The following CTDSPL variants were observed in gnomAD, a reference collection of about 807,000 sequenced individuals.
CTDSPL encodes CTD small phosphatase like, also known as CTD small phosphatase-like protein.
Under a neutral mutation model 30.5 loss-of-function variants are expected in CTDSPL, and 8 were observed. The ratio of observed to expected loss-of-function variants is 0.26; its 90% confidence interval spans 0.15 to 0.47. The LOEUF is 0.47. Among genes scored for constraint, CTDSPL ranks in the 20% least tolerant of loss-of-function variants. The pLI is 0.99. For synonymous variants in CTDSPL, 110 were observed against 137.9 expected (o/e 0.80, Z 1.42); for missense variants, 248 against 366.1 (o/e 0.68, Z 2.63).
At chr3:37,929,184 T>G (rs1698820565) in intron 1 of CTDSPL, among the ~76,000 whole-genome samples, 1 of 152,238 alleles carries the variant, frequency 6.6e-6, no homozygotes, top group South Asian at 2.1e-4. Flanking sequence ...ACCATAGCTT[T>G]GTAATTTGTT....
chr3:37,911,923 G>T (rs984720065), intron 1 of CTDSPL: 1 of 273,042 alleles, frequency 3.7e-6, no homozygotes, highest in Non-Finnish European at 7.5e-6. Flanking sequence ...TTAGCTGGGC[G>T]TGGTGGCGGG....
chr3:37,903,652 A>T (rs1343808462), intron 1 of CTDSPL, among the ~76,000 whole-genome samples: 1 of 152,194 alleles, frequency 6.6e-6, no homozygotes, highest in Non-Finnish European at 1.5e-5. Flanking sequence ...GACAGTCAGC[A>T]AAGGATGTAC....
chr3:37,952,727 A>AG (rs1491242761), intron 2 of CTDSPL, among the ~76,000 whole-genome samples: 28 of 152,350 alleles, frequency 1.8e-4, no homozygotes, highest in African/African-American at 6.7e-4. Context: ...CAATAGCAAC[A>AG]GGGGAGGAAT....
chr3:37,891,428 C>G (rs577385443), intron 1 of CTDSPL, among the ~76,000 whole-genome samples: 1 of 152,320 alleles, frequency 6.6e-6, no homozygotes, highest in South Asian at 2.1e-4. Context: ...TCTACTCCTA[C>G]GCACAGGTGT....
chr3:37,901,245 C>CTT (rs1698447493), intron 1 of CTDSPL, among the ~76,000 whole-genome samples: 1 of 152,204 alleles, frequency 6.6e-6, no homozygotes, highest in African/African-American at 2.4e-5. Flanking sequence ...TCTGTGTATG[C>CTT]TCCAAAGGGA....
Position 37,943,476 on chromosome 3 carries a change from C to T in CTDSPL, c.80-3581C>T, listed in dbSNP as rs1235494599. Among the ~76,000 whole-genome samples, 2 of 149,976 alleles carry T rather than the reference C, an allele frequency of 1.3e-5. 1 individual carries two copies. Among genetic ancestry groups the T allele is most frequent in the Non-Finnish European group, 3.0e-5 (2 of 66,952 alleles). The stretch of plus-strand genomic sequence containing the variant: ...GTTATCAGGGAAAAGTGACAGAAAA[C>T]TTTGGAATGACTTTTGATGACTCCT... On this transcript the variant is annotated intron_variant, in intron 1 of 7. Transcript: ENST00000273179.
intron 2 of CTDSPL, among the ~76,000 whole-genome samples, chr3:37,948,815 T>TTTTTTTTTC (rs1699074005): frequency 3.4e-5 from 4 of 116,412 alleles, no homozygotes; most frequent in African/African-American, 7.5e-5. Context: ...TTTCTTTTTT[T>TTTTTTTTTC]TTTTTTTTTT....
intron 5 of CTDSPL, chr3:37,969,443 C>G: frequency 1.9e-6 from 1 of 528,806 alleles, no homozygotes; most frequent in South Asian, 1.4e-5. Context: ...CTGTGCAGGT[C>G]CCAATGGGCC....
chr3:37,879,603 TG>T (rs1698178770), intron 1 of CTDSPL, among the ~76,000 whole-genome samples: 1 of 152,216 alleles, frequency 6.6e-6, no homozygotes, highest in South Asian at 2.1e-4. Context: ...CTTACTGAGA[TG>T]GCTTTTCCCT....
chr3:37,905,379 A>G (rs1011287877), intron 1 of CTDSPL, among the ~76,000 whole-genome samples: 16 of 152,136 alleles, frequency 1.1e-4, no homozygotes, highest in African/African-American at 2.9e-4. Context: ...AAGGATCTCA[A>G]TGATTCATTC....
At chr3:37,980,689 A>G in intron 7 of CTDSPL, 53 bp from the exon 8 acceptor site, 1 of 1,599,036 alleles carries the variant, frequency 6.3e-7, no homozygotes, top group Non-Finnish European at 8.6e-7. Context: ...GGTTAGGAGC[A>G]GCCCCCAGCG....
At position 37,967,832 on chromosome 3, in the gene CTDSPL, A is replaced by G; in HGVS notation, c.376A>G (p.Ser126Gly). Residue 126 changes from serine (S) to glycine (G), a missense_variant, in exon 5 of 8, where the codon AGT becomes GGT. Physicochemically the swap from Ser to Gly is moderately conservative, Grantham distance 56 (BLOSUM62 0). Transcript: ENST00000273179. The part of the protein sequence containing the change: ...TLVHSSFKPI[S>G]NADFIVPVEI... ...TAGTCTCTTTTTTCTCTAGCCTATTAGTAATGCTGATTTTATTGTTCCGGT... is the reference window on the plus strand; with the variant it reads ...TAGTCTCTTTTTTCTCTAGCCTATTGGTAATGCTGATTTTATTGTTCCGGT... 2 of 1,594,290 alleles carry G rather than the reference A, an allele frequency of 1.3e-6. No homozygotes were observed. The highest frequency in any genetic ancestry group is 1.7e-6 in the Non-Finnish European group (2 of 1,171,438).
At chr3:37,893,241 G>GA (rs1366022741) in intron 1 of CTDSPL, among the ~76,000 whole-genome samples, 3 of 152,212 alleles carry the variant, frequency 2.0e-5, no homozygotes, top group Non-Finnish European at 4.4e-5. Flanking sequence ...AGCTTGGGAT[G>GA]TTAACAGCTT....
intron 1 of CTDSPL, among the ~76,000 whole-genome samples, chr3:37,903,198 G>C (rs948836006): frequency 1.3e-5 from 2 of 152,204 alleles, no homozygotes; most frequent in African/African-American, 4.8e-5. Flanking sequence ...GGAAGGGGCA[G>C]CCGGTCCGAT....
chr3:37,966,389 C>G (rs1699298741), intron 4 of CTDSPL, among the ~76,000 whole-genome samples: 1 of 152,192 alleles, frequency 6.6e-6, no homozygotes, highest in South Asian at 2.1e-4. Context: ...TTCATGGATC[C>G]CAAGTGAAGA....
chr3:37,945,120 A>G (rs1699020717), intron 1 of CTDSPL, among the ~76,000 whole-genome samples: 1 of 150,294 alleles, frequency 6.7e-6, no homozygotes, highest in African/African-American at 2.4e-5. Context: ...GGAATGTGCT[A>G]TCAGCCAGGG....
At chr3:37,946,105 C>T (rs1267168571) in intron 1 of CTDSPL, among the ~76,000 whole-genome samples, 1 of 152,262 alleles carries the variant, frequency 6.6e-6, no homozygotes, top group Non-Finnish European at 1.5e-5. Flanking sequence ...TCTCAGTGCA[C>T]CACTGATCCG....
intron 2 of CTDSPL, among the ~76,000 whole-genome samples, chr3:37,951,481 G>C (rs1699107512): frequency 6.6e-6 from 1 of 152,144 alleles, no homozygotes; most frequent in African/African-American, 2.4e-5. Context: ...TTTGAGACCA[G>C]CCTGGGCAAC....
chr3:37,903,325 G>T (rs1445973617), intron 1 of CTDSPL, among the ~76,000 whole-genome samples: 3 of 152,232 alleles, frequency 2.0e-5, no homozygotes, highest in African/African-American at 7.2e-5. Flanking sequence ...GAGGGAATAT[G>T]TATGCACATA....
Sources: gnomAD v4.1 joint callset for allele counts (sites outside exome capture counted in the v4.1 genomes callset) on GRCh38, gnomAD v4.1.1 for gene constraint, MANE v1.5 for transcripts, NCBI Gene and HGNC (gene_info 2026-07-23, HGNC 2026-07-21) for gene names.